Variants in SRP68 observed in about 807,000 individuals in gnomAD.
The protein encoded by SRP68 is signal recognition particle subunit SRP68.
In SRP68, 15 loss-of-function variants were observed where a neutral mutation model predicts 82.2. The observed-to-expected ratio is 0.18, with a 90% confidence interval of 0.12 to 0.28. The LOEUF is 0.28. Among genes scored for constraint, SRP68 ranks in the 10% least tolerant of loss-of-function variants. The probability of loss-of-function intolerance (pLI) is 1.00; values close to 1 mark genes in which losing one functional copy is unlikely to be tolerated. For missense variants in SRP68, 595 were observed against 780.5 expected (o/e 0.76, Z 2.83); for synonymous variants, 261 against 292.6 (o/e 0.89, Z 1.10).
At chr17:76,063,736 T>C (rs1159647873) in intron 4 of SRP68, among the ~76,000 whole-genome samples, 1 of 150,892 alleles carries the variant, frequency 6.6e-6, no homozygotes, top group Non-Finnish European at 1.5e-5. Context: ...ACCAAGAGCT[T>C]GGGAATACTC....
At chr17:76,054,363 G>C (rs1338580219) in intron 8 of SRP68, among the ~76,000 whole-genome samples, 1 of 151,984 alleles carries the variant, frequency 6.6e-6, no homozygotes, top group African/African-American at 2.4e-5. Flanking sequence ...CCCTACTATG[G>C]GGACAAGAAT....
intron 9 of SRP68, chr17:76,048,277 C>T (rs1279337030): frequency 1.8e-5 from 3 of 169,068 alleles, no homozygotes; most frequent in Non-Finnish European, 2.5e-5. Flanking sequence ...CCACAGTCCA[C>T]GGCTCTGTGT....
rs201544661 is a variant in SRP68 at position 76,068,293 on chromosome 17, GA to G, written c.252-964del. Among the ~76,000 whole-genome samples, 801 of 139,592 alleles carry G rather than the reference GA, an allele frequency of 5.7e-3. 11 individuals are homozygous for G. Among genetic ancestry groups the G allele is most frequent in the East Asian group, 0.048 (234 of 4,898 alleles). The allele number at this position is 139,592 out of a possible 152,430, so 91.6% of individuals were successfully genotyped here. A position where few individuals can be genotyped will look rare whatever the true frequency, so the allele number is the denominator to read the frequency against. Reference sequence around the variant, plus strand: ...GGCAACAACAGTAAAACTCCGTCTCGAAAAAAAAAAAAATTAGCCAGGCATG... The same window carrying G: ...GGCAACAACAGTAAAACTCCGTCTCGAAAAAAAAAAAATTAGCCAGGCATG... On this transcript the variant is annotated intron_variant, in intron 2 of 15. Transcript: ENST00000307877.
Position 76,070,408 on chromosome 17 carries a change from C to T in SRP68, c.221G>A (p.Gly74Asp). 6 of 1,614,038 alleles carry T rather than the reference C, an allele frequency of 3.7e-6. No homozygotes were observed. The highest frequency in any genetic ancestry group is 5.1e-6 in the Non-Finnish European group (6 of 1,179,986). Residue 74 changes from glycine to aspartate, a missense_variant, in exon 2 of 16, where the codon GGT (glycine) becomes GAT (aspartate). Physicochemically the swap from Gly to Asp is moderately conservative, Grantham distance 94. This residue lies in a region of SRP68 where 495 missense variants were observed against 688.6 expected (regional missense o/e 0.72). Transcript: ENST00000307877. Reference sequence around the variant, plus strand: ...CCTCTGAAAATCTCCATGCCGTAAACCATGCTGCTGCTGGGATTCCTTAAT... The same window carrying T: ...CCTCTGAAAATCTCCATGCCGTAAATCATGCTGCTGCTGGGATTCCTTAAT... Reference protein sequence around the residue: ...QIIKESQQQHGLRHGDFQRYR... With the variant: ...QIIKESQQQHDLRHGDFQRYR...
intron 8 of SRP68, among the ~76,000 whole-genome samples, chr17:76,054,377 A>G (rs1443043271): frequency 6.6e-6 from 1 of 152,152 alleles, no homozygotes; most frequent in Non-Finnish European, 1.5e-5. Context: ...CAAGAATCAA[A>G]CCTTACCCAG....
rs1300104301 is a variant in SRP68, at chr17:76,071,143, AG to A, written c.185-700del. On this transcript the variant is annotated intron_variant, in intron 1 of 15. Transcript: ENST00000307877. The surrounding 1 kb of genome is among the most constrained non-coding windows in gnomAD (Gnocchi z 4.7). The stretch of plus-strand genomic sequence containing the variant: ...CCCCACATTTTATTCATTCAGATTC[AG>A]GTTATAAATGACATGTACTAAGCCT... 2.6e-5 allele frequency among the ~76,000 whole-genome samples: 4 copies of A among 152,232 alleles called. No individual in the cohort carries two copies. Among genetic ancestry groups the A allele is most frequent in the Non-Finnish European group, 4.4e-5 (3 of 68,036 alleles).
Position 76,064,155 on chromosome 17 carries a change from G to A in SRP68, c.382C>T (p.Leu128=). Residue 128 remains leucine, a synonymous_variant, in exon 4 of 16, where the codon CTG becomes TTG. Transcript: ENST00000307877. ...CTCCAGGCTCTTTCAGCATCCATCA[G>A]AACCAGAAGCAAGTATCTAGACCAG... ...LTDNRYLLLV[L]MDAERAWSYA... is the part of the protein sequence containing the mutation. 1 of 1,614,154 alleles carries A rather than the reference G, an allele frequency of 6.2e-7. No homozygotes were observed. The highest frequency in any genetic ancestry group is 2.2e-5 in the East Asian group (1 of 44,886).
At position 76,045,319 on chromosome 17, in the gene SRP68, A is replaced by C; in HGVS notation, c.1367T>G (p.Leu456Arg). 6.2e-7 allele frequency: 1 copy of C among 1,613,818 alleles called. No homozygotes were observed. Among genetic ancestry groups the C allele is most frequent in the Non-Finnish European group, 8.5e-7 (1 of 1,179,768 alleles). ...GTAAGCTTTGAACACCAGAGTCTTG[A>C]GGCCTATCTCTTTCTGGAAGGCTTT... ...EDKAFQKEIG[L>R]KTLVFKAYRC... The change falls in exon 12 of 16, where the codon CTC (leucine) becomes CGC (arginine). Residue 456 changes from leucine to arginine, a missense_variant. This residue lies in a region of SRP68 where 495 missense variants were observed against 688.6 expected (regional missense o/e 0.72). Transcript: ENST00000307877.
chr17:76,039,828 G>C lies in SRP68; in HGVS notation c.1762C>G (p.Pro588Ala). The C allele has an allele frequency of 1.2e-6, 2 of 1,614,254 alleles. No individual in the cohort carries two copies. The highest frequency in any genetic ancestry group is 2.7e-5 in the African/African-American group (2 of 75,066). Residue 588 changes from proline to alanine, a missense_variant, in exon 16 of 16, where the codon CCT becomes GCT. By Grantham distance (27) the Pro-to-Ala change is conservative (BLOSUM62 -1). This residue lies in a region of SRP68 where 495 missense variants were observed against 688.6 expected (regional missense o/e 0.72). Coordinates refer to ENST00000307877, the MANE Select transcript of SRP68 (RefSeq NM_014230.4). The stretch of plus-strand genomic sequence containing the variant: ...TTGAGGGCCAGGTCAAAGAACAAAG[G>C]CTTGCAGGGAATGGGCTGGAAGCCT... Reference protein sequence around the residue: ...PPGFQPIPCKPLFFDLALNHV... With the variant: ...PPGFQPIPCKALFFDLALNHV...
At chr17:76,056,101 C>T (rs755196505) in intron 8 of SRP68, among the ~76,000 whole-genome samples, 9 of 152,110 alleles carry the variant, frequency 5.9e-5, no homozygotes, top group Non-Finnish European at 1.3e-4. Context: ...CCATGAGCCA[C>T]CGTGCCAGCA....
chr17:76,069,662 G>A (rs975824804), intron 2 of SRP68, among the ~76,000 whole-genome samples: 3 of 151,588 alleles, frequency 2.0e-5, no homozygotes, highest in South Asian at 2.1e-4. Context: ...AGCCGAGATC[G>A]CGCCACTATA....
intron 4 of SRP68, among the ~76,000 whole-genome samples, chr17:76,062,606 T>TATTATATAATATATAATATAC (rs2066766060): frequency 2.3e-5 from 2 of 88,126 alleles, no homozygotes; most frequent in Non-Finnish European, 4.0e-5. Flanking sequence ...ATACATTATA[T>TATTATATAATATATAATATAC]ATTATATAAT....
At chr17:76,048,692 GC>G (rs1296963963) in intron 9 of SRP68, 27 of 152,240 alleles carry the variant, frequency 1.8e-4, no homozygotes, top group Admixed American at 1.8e-3. Context: ...AAGGAACACA[GC>G]CCTGTGAACC....
rs545650777 is a variant in SRP68 at position 76,042,472 on chromosome 17, G to A, written c.1524+1357C>T. Among the ~76,000 whole-genome samples, 338 of 151,158 alleles carry A rather than the reference G, an allele frequency of 2.2e-3. 2 individuals are homozygous for A. The highest frequency in any genetic ancestry group is 7.8e-3 in the African/African-American group (321 of 41,202). On this transcript the variant is annotated intron_variant, in intron 13 of 15. Coordinates refer to ENST00000307877, the MANE Select transcript of SRP68 (RefSeq NM_014230.4). Reference sequence around the variant, plus strand: ...TACTAAAAATACAAAAATTAGCTGGGCTTGGTGGCACAAGCCGAGATCGTG... The same window carrying A: ...TACTAAAAATACAAAAATTAGCTGGACTTGGTGGCACAAGCCGAGATCGTG...
rs750818056 is a variant in SRP68 at position 76,048,059 on chromosome 17, C to A, written c.1078-89G>T. ...ATGGAATGGTGGGGTCTCCAAAGTG[C>A]CCTGAACATAGACACAAACTCTAGT... is the stretch of plus-strand genomic sequence containing the variant. On this transcript the variant is annotated intron_variant, in intron 9 of 15. Transcript: ENST00000307877. 1.9e-5 allele frequency: 14 copies of A among 720,032 alleles called. No individual in the cohort carries two copies. In the South Asian group the frequency reaches 2.9e-4, roughly 15 times the overall value. The allele number at this position is 720,032 out of a possible 1,614,324, so 44.6% of individuals were successfully genotyped here.
chr17:76,070,838 A>ACACATG (rs1197297615), intron 1 of SRP68, among the ~76,000 whole-genome samples: 87 of 136,112 alleles, frequency 6.4e-4, no homozygotes, highest in African/African-American at 1.2e-3. Flanking sequence ...AGATTCAGTC[A>ACACATG]CACATGCACA....
chr17:76,060,215 A>G, intron 7 of SRP68, 93 bp downstream of exon 7: 4 of 619,456 alleles, frequency 6.5e-6, no homozygotes, highest in Non-Finnish European at 1.1e-5. Flanking sequence ...ATAAATATCC[A>G]TATATTAATA....
At chr17:76,045,851 C>T (rs1567927034) in intron 11 of SRP68, among the ~76,000 whole-genome samples, 187 bp downstream of exon 11, 2 of 152,322 alleles carry the variant, frequency 1.3e-5, no homozygotes, top group East Asian at 3.9e-4. Context: ...CTATTCTCTG[C>T]AGATCAGCAT....
At chr17:76,068,147 C>T (rs2144531044) in intron 2 of SRP68, among the ~76,000 whole-genome samples, 2 of 152,232 alleles carry the variant, frequency 1.3e-5, no homozygotes, top group South Asian at 4.1e-4. Context: ...CAAAATTAGC[C>T]AGTTGTGGTG....
Sources: gnomAD v4.1 joint callset for allele counts (sites outside exome capture counted in the v4.1 genomes callset) on GRCh38, gnomAD v4.1.1 for gene constraint, gnomAD v4.1.1 regional missense constraint, Gnocchi (gnomAD v3.1) non-coding constraint, MANE v1.5 for transcripts, NCBI Gene and HGNC (gene_info 2026-07-23, HGNC 2026-07-21) for gene names.